GTF2IRD1: variants seen among roughly 807,000 people sequenced by gnomAD.
The protein encoded by GTF2IRD1 is general transcription factor II-I repeat domain-containing protein 1.
GTF2IRD1 carries 26 observed loss-of-function variants against 113.2 expected under a neutral mutation model. The ratio of observed to expected loss-of-function variants is 0.23; its 90% CI spans 0.17 to 0.32. The LOEUF (loss-of-function observed/expected upper bound fraction) is 0.32, where lower values mean the gene tolerates loss of function less well. GTF2IRD1 is among the 10% of genes least tolerant of loss of function. The probability of loss-of-function intolerance (pLI) is 1.00; values close to 1 mark genes in which losing one functional copy is unlikely to be tolerated. For missense variants in GTF2IRD1, 864 were observed against 1,280.8 expected (o/e 0.67, Z 4.97); for synonymous variants, 484 against 529.1 (o/e 0.91, Z 1.17).
chr7:74,545,458 A>T (rs1450113713), intron 15 of GTF2IRD1, among the ~76,000 whole-genome samples: 1 of 152,162 alleles, frequency 6.6e-6, no homozygotes, highest in Non-Finnish European at 1.5e-5. Flanking sequence ...ACTCAGTCAC[A>T]TACCTAGAAA....
chr7:74,590,230 G>A (rs1402779605), intron 23 of GTF2IRD1, among the ~76,000 whole-genome samples: 2 of 151,742 alleles, frequency 1.3e-5, no homozygotes, highest in South Asian at 2.1e-4. Flanking sequence ...ACAAGCATGC[G>A]CCAACACTCC....
chr7:74,458,339 A>T (rs551038287), intron 1 of GTF2IRD1, among the ~76,000 whole-genome samples: 28 of 152,232 alleles, frequency 1.8e-4, no homozygotes, highest in African/African-American at 6.7e-4. Context: ...GCCAGAAGAC[A>T]GTGTGTTGTG....
At chr7:74,510,882 C>T (rs920568776) in intron 2 of GTF2IRD1, among the ~76,000 whole-genome samples, 5 of 151,962 alleles carry the variant, frequency 3.3e-5, no homozygotes, top group African/African-American at 1.2e-4. Context: ...AACTCCATCT[C>T]TACTGAAAAT....
chr7:74,540,232 T>C (rs1308825879), intron 14 of GTF2IRD1, among the ~76,000 whole-genome samples: 1 of 152,076 alleles, frequency 6.6e-6, no homozygotes, highest in Non-Finnish European at 1.5e-5. Context: ...CCGCAACCTC[T>C]GCCTCCCAGG....
rs1792766351 is a variant in GTF2IRD1, at chr7:74,453,955, T to A, written c.-228T>A. Reference sequence around the variant, plus strand: ...CCTCCGCCGCAGCCCGCGCCGGGGGTGGGGGCCGCCGAGCGCCAGCCCCCC... The same window carrying A: ...CCTCCGCCGCAGCCCGCGCCGGGGGAGGGGGCCGCCGAGCGCCAGCCCCCC... On this transcript the variant is annotated 5_prime_UTR_variant, in exon 1 of 27. Coordinates refer to ENST00000424337, the MANE Select transcript of GTF2IRD1 (RefSeq NM_005685.4). 1 of 141,368 alleles carries A rather than the reference T, an allele frequency of 7.1e-6. No individual in the cohort carries two copies. The highest frequency in any genetic ancestry group is 6.9e-5 in the Admixed American group (1 of 14,482). 8.8% of individuals were successfully genotyped at this position (141,368 alleles called of 1,614,324 possible). A position where few individuals can be genotyped will look rare whatever the true frequency, so the allele number is the denominator to read the frequency against.
At chr7:74,478,573 A>G (rs1166535409) in intron 1 of GTF2IRD1, among the ~76,000 whole-genome samples, 2 of 152,022 alleles carry the variant, frequency 1.3e-5, no homozygotes, top group African/African-American at 4.8e-5. Context: ...CTCCCACCTC[A>G]TCCTCCTGAG....
intron 25 of GTF2IRD1, 52 bp downstream of exon 25, chr7:74,595,103 G>T: frequency 1.5e-6 from 2 of 1,363,268 alleles, no homozygotes; most frequent in Non-Finnish European, 2.1e-6. Context: ...ACTAGAGACT[G>T]TTCCATTTGA....
rs145889871 is a variant in GTF2IRD1, at chr7:74,529,837, C to T, written c.1194C>T (p.Phe398=). The change falls in exon 9 of 27, where the codon TTC becomes TTT. Residue 398 remains phenylalanine (F), a synonymous_variant. Transcript: ENST00000424337. ...TGGGCATCCCGGACAAGATCCCCTT[C>T]AAGCGCCCCTGCACTTATGGAGTCC... ...EIVGIPDKIP[F]KRPCTYGVPK... 3.0e-5 allele frequency: 48 copies of T among 1,614,076 alleles called. No individual in the cohort carries two copies. In the African/African-American group the frequency reaches 5.3e-4, roughly 18 times the overall value.
intron 1 of GTF2IRD1, among the ~76,000 whole-genome samples, chr7:74,488,150 G>A (rs958814026): frequency 6.6e-6 from 1 of 152,094 alleles, no homozygotes; most frequent in Admixed American, 6.6e-5. Context: ...TGGGTGTGGC[G>A]ACACACGCTG....
At position 74,512,971 on chromosome 7, in the gene GTF2IRD1, C is replaced by T. The variant is rs1796719836; in HGVS notation, c.265C>T (p.Arg89Ter). ...ACAGTCAGACTTCCTCAGGTTCTGC[C>T]GTGAGTACCCCAGGGCTCCGGAGGG... ...ELQSDFLRFCRGPPWKDPEAE... is the reference protein window; with the variant it reads ...ELQSDFLRFC The change falls in exon 3 of 27, where the codon CGA (arginine) becomes TGA (stop). Residue 89 changes from arginine (R) to a stop codon, truncating the protein, a stop_gained and splice_region_variant. Coordinates refer to ENST00000424337, the MANE Select transcript of GTF2IRD1 (RefSeq NM_005685.4). LOFTEE classifies it high-confidence loss of function. The surrounding 1 kb of genome is among the most constrained non-coding windows in gnomAD (Gnocchi z 4.4). The T allele has an allele frequency of 1.9e-6, 3 of 1,613,300 alleles. No individual in the cohort carries two copies. Among genetic ancestry groups the T allele is most frequent in the Non-Finnish European group, 2.5e-6 (3 of 1,179,774 alleles).
intron 9 of GTF2IRD1, among the ~76,000 whole-genome samples, chr7:74,533,551 C>G (rs1798099368): frequency 6.6e-6 from 1 of 152,210 alleles, no homozygotes; most frequent in Admixed American, 6.5e-5. Flanking sequence ...ATTGGGGCAC[C>G]TGTTGCCCAC....
At chr7:74,494,473 G>T (rs1554337435) in intron 1 of GTF2IRD1, among the ~76,000 whole-genome samples, 1 of 152,194 alleles carries the variant, frequency 6.6e-6, no homozygotes. Flanking sequence ...GTGGCTGGGG[G>T]AAGTCTAGCG....
intron 22 of GTF2IRD1, among the ~76,000 whole-genome samples, chr7:74,582,449 G>A (rs367996006): frequency 5.9e-5 from 9 of 152,018 alleles, no homozygotes; most frequent in African/African-American, 2.2e-4. Flanking sequence ...GGTAGAAACA[G>A]GGTTTCCCTC....
intron 14 of GTF2IRD1, among the ~76,000 whole-genome samples, chr7:74,540,774 C>T (rs1313279398): frequency 6.6e-6 from 1 of 151,776 alleles, no homozygotes. Context: ...CATAGAGAGA[C>T]CCATCTCTTA....
Position 74,602,550 on chromosome 7 carries a change from T to A in GTF2IRD1, c.*117T>A, listed in dbSNP as rs1802818099. On this transcript the variant is annotated 3_prime_UTR_variant, in exon 27 of 27. Coordinates refer to ENST00000424337, the MANE Select transcript of GTF2IRD1 (RefSeq NM_005685.4). ...TTAGTTTTTCCAATGATTTTTACAC[T>A]ATATTCCTGCCACCAAGGCCTTTTT... 3 of 664,080 alleles carry A rather than the reference T, an allele frequency of 4.5e-6. No homozygotes were observed. Among genetic ancestry groups the A allele is most frequent in the Non-Finnish European group, 7.2e-6 (3 of 414,590 alleles). 41.1% of individuals were successfully genotyped at this position (664,080 alleles called of 1,614,324 possible).
chr7:74,502,565 C>T (rs146243924), intron 1 of GTF2IRD1, among the ~76,000 whole-genome samples: 99 of 152,338 alleles, frequency 6.5e-4, no homozygotes, highest in African/African-American at 2.4e-3. Context: ...AGAAAGTGGG[C>T]GCTCTGGGCC....
At chr7:74,462,840 C>T (rs1171354692) in intron 1 of GTF2IRD1, among the ~76,000 whole-genome samples, 2 of 152,236 alleles carry the variant, frequency 1.3e-5, no homozygotes, top group African/African-American at 4.8e-5. Flanking sequence ...ATTACACCTG[C>T]CTGCCGCTGC....
At chr7:74,551,051 CAA>C (rs1799277823) in intron 17 of GTF2IRD1, among the ~76,000 whole-genome samples, 1 of 150,854 alleles carries the variant, frequency 6.6e-6, no homozygotes. Context: ...TTTAAAAATA[CAA>C]AGAGAGGCCG....
At chr7:74,575,846 T>C (rs587616494) in intron 22 of GTF2IRD1, among the ~76,000 whole-genome samples, 1 of 152,244 alleles carries the variant, frequency 6.6e-6, no homozygotes, top group South Asian at 2.1e-4. Flanking sequence ...GCTTGAGATA[T>C]GATTTGGGGA....
Sources: allele counts gnomAD v4.1 joint callset (sites outside exome capture counted in the v4.1 genomes callset), GRCh38; gene constraint gnomAD v4.1.1; non-coding constraint Gnocchi (gnomAD v3.1); transcripts MANE v1.5; gene names NCBI Gene and HGNC (gene_info 2026-07-23, HGNC 2026-07-21).